Variants in RBPJ observed in about 807,000 individuals in gnomAD.
RBPJ encodes the protein recombination signal binding protein for immunoglobulin kappa J region, also known as recombining binding protein suppressor of hairless.
Under a neutral mutation model 67.8 loss-of-function variants are expected in RBPJ, and 9 were observed. That is an observed-to-expected ratio of 0.13 (90% CI 0.08 to 0.23). The LOEUF is 0.23. Among genes scored for constraint, RBPJ ranks in the 10% least tolerant of loss-of-function variants. The pLI is 1.00. For synonymous variants in RBPJ, 198 were observed against 203.3 expected (o/e 0.97, Z 0.22); for missense variants, 305 against 595.6 (o/e 0.51, Z 5.08).
chr4:26,392,618 G>A (rs1731627762), intron 2 of RBPJ, among the ~76,000 whole-genome samples: 1 of 152,198 alleles, frequency 6.6e-6, no homozygotes, highest in African/African-American at 2.4e-5. Context: ...AATGCAAACT[G>A]ATCTGTACTG....
rs1560237850 is a variant in RBPJ, at chr4:26,270,407, A to AAGAAAGAAAG, written c.-166-92037_-166-92028dup. On this transcript the variant is annotated intron_variant, in intron 1 of 4. Coordinates refer to the RBPJ transcript ENST00000512351. ...AAAGAAAGAAAGAAAGAAAGAAAGA[A>AAGAAAGAAAG]AGAAAGAAAGAAAGAAAGAAAGAAA... Among the ~76,000 whole-genome samples the AAGAAAGAAAG allele has an allele frequency of 6.4e-5, 4 of 62,246 alleles. 1 individual carries two copies. In the East Asian group the frequency reaches 1.6e-3, roughly 25 times the overall value. The allele number at this position is 62,246 out of a possible 152,430, so 40.8% of individuals were successfully genotyped here.
intron 1 of RBPJ, among the ~76,000 whole-genome samples, chr4:26,331,612 T>G (rs904769385): frequency 6.6e-6 from 1 of 152,172 alleles, no homozygotes; most frequent in Non-Finnish European, 1.5e-5. Context: ...GCTGTGTTCC[T>G]GTTTTTGGTG....
chr4:26,214,986 GGGAGGGAGGGAGGGAAGGAA>G lies in RBPJ; in HGVS notation c.-167+51376_-167+51395del, dbSNP rs1560214251. 2.3e-3 allele frequency among the ~76,000 whole-genome samples: 80 copies of G among 34,370 alleles called. 4 individuals carry two copies. The highest frequency in any genetic ancestry group is 0.015 in the African/African-American group (79 of 5,392). 22.5% of individuals were successfully genotyped at this position (34,370 alleles called of 152,430 possible). A position where few individuals can be genotyped will look rare whatever the true frequency, so the allele number is the denominator to read the frequency against. Reference sequence around the variant, plus strand: ...AGGGAGGGAGGGAGGGAAGGAAGGAGGGAGGGAGGGAGGGAAGGAAGGAAGGAGAGAAAGAAAGAAAGAAA... The same window carrying G: ...AGGGAGGGAGGGAGGGAAGGAAGGAGGGAAGGAGAGAAAGAAAGAAAGAAA... On this transcript the variant is annotated intron_variant, in intron 1 of 4. Transcript: ENST00000512351.
At chr4:26,296,437 G>A (rs1370419814) in intron 1 of RBPJ, among the ~76,000 whole-genome samples, 1 of 152,166 alleles carries the variant, frequency 6.6e-6, no homozygotes, top group African/African-American at 2.4e-5. Flanking sequence ...TTAAGTTAGG[G>A]TGATATTAAT....
intron 1 of RBPJ, among the ~76,000 whole-genome samples, chr4:26,225,130 G>A (rs6828530): frequency 0.015 from 2,357 of 152,176 alleles, 75 homozygotes; most frequent in African/African-American, 0.054. Context: ...AATACCTATC[G>A]GGAACCAAAA....
intron 1 of RBPJ, among the ~76,000 whole-genome samples, chr4:26,214,846 G>A (rs1376079540): frequency 1.5e-5 from 2 of 136,936 alleles, no homozygotes; most frequent in Non-Finnish European, 3.1e-5. Flanking sequence ...AAGGAAGGGA[G>A]GGAGGGAGAG....
intron 1 of RBPJ, among the ~76,000 whole-genome samples, chr4:26,282,924 CTTTTTTTT>C: frequency 1.6e-5 from 1 of 61,658 alleles, no homozygotes; most frequent in African/African-American, 7.2e-5. Context: ...AGTGTAGATT[CTTTTTTTT>C]TTTTTTTTTT....
At chr4:26,316,657 TATATATATATATACAC>T (rs1223319648), upstream of RBPJ, among the ~76,000 whole-genome samples, 2 of 121,306 alleles carry the variant, frequency 1.6e-5, no homozygotes, top group Non-Finnish European at 3.2e-5. Context: ...CACATATTGA[TATATATATATATACAC>T]ATATATATAT....
At position 26,417,534 on chromosome 4, in the gene RBPJ, A is replaced by G. The variant is rs1734716499; in HGVS notation, c.321+1894A>G. ...AGGTTAGTACAATGTCTGTAAGCCAAAATTATATGTTAATATTTAATTTTA... is the reference window on the plus strand; with the variant it reads ...AGGTTAGTACAATGTCTGTAAGCCAGAATTATATGTTAATATTTAATTTTA... On this transcript the variant is annotated intron_variant, in intron 4 of 10. Transcript: ENST00000355476. Among the ~76,000 whole-genome samples, 4 of 152,220 alleles carry G rather than the reference A, an allele frequency of 2.6e-5. No homozygotes were observed. The South Asian group carries it at 8.3e-4, about 32-fold the overall frequency.
intron 1 of RBPJ, among the ~76,000 whole-genome samples, chr4:26,177,213 C>T (rs990062843): frequency 6.6e-6 from 1 of 152,190 alleles, no homozygotes; most frequent in African/African-American, 2.4e-5. Context: ...TCAAGCCTTT[C>T]GCTCTAGCTC....
At chr4:26,328,406 A>C (rs1723875399) in intron 1 of RBPJ, among the ~76,000 whole-genome samples, 1 of 152,158 alleles carries the variant, frequency 6.6e-6, no homozygotes, top group Non-Finnish European at 1.5e-5. Flanking sequence ...GAAGCTCATG[A>C]CTTGGTAGAG....
rs561305108 is a variant in RBPJ at position 26,375,288 on chromosome 4, CAAAAA to C, written c.21-11048_21-11044del. ...TGGGCGACAGAGGGAGACCCTGTCT[CAAAAA>C]AAAAAAAAAAAAAAAAGAATAATGT... On this transcript the variant is annotated intron_variant, in intron 1 of 10. Transcript: ENST00000355476. Among the ~76,000 whole-genome samples, 4 of 102,898 alleles carry C rather than the reference CAAAAA, an allele frequency of 3.9e-5. No homozygotes were observed. The South Asian group carries it at 9.5e-4, about 25-fold the overall frequency. 67.5% of individuals were successfully genotyped at this position (102,898 alleles called of 152,430 possible). A position where few individuals can be genotyped will look rare whatever the true frequency, so the allele number is the denominator to read the frequency against.
the RBPJ span, among the ~76,000 whole-genome samples, chr4:26,128,730 G>C: frequency 6.6e-6 from 1 of 152,152 alleles, no homozygotes; most frequent in Non-Finnish European, 1.5e-5. Context: ...ATCTCATCTT[G>C]AATTGTAGCT....
intron 1 of RBPJ, among the ~76,000 whole-genome samples, chr4:26,231,631 C>T (rs1433674575): frequency 6.6e-6 from 1 of 151,906 alleles, no homozygotes; most frequent in Non-Finnish European, 1.5e-5. Context: ...AGGCTAGTCT[C>T]GAATGCCTGA....
At chr4:26,217,648 T>G (rs1007529319) in intron 1 of RBPJ, among the ~76,000 whole-genome samples, 1 of 152,166 alleles carries the variant, frequency 6.6e-6, no homozygotes, top group African/African-American at 2.4e-5. Flanking sequence ...TTGGCAGCGC[T>G]GTTTGCACTC....
At chr4:26,355,044 T>C (rs2109463441) in intron 1 of RBPJ, among the ~76,000 whole-genome samples, 1 of 152,288 alleles carries the variant, frequency 6.6e-6, no homozygotes, top group Admixed American at 6.5e-5. Context: ...TGATTTAATA[T>C]TGTCTCCTGC....
At chr4:26,364,211 A>G (rs1354004572) in intron 1 of RBPJ, among the ~76,000 whole-genome samples, 6 of 152,216 alleles carry the variant, frequency 3.9e-5, no homozygotes, top group Non-Finnish European at 5.9e-5. Context: ...TCCTTTTGGT[A>G]TGTTAGCAGT....
the RBPJ span, among the ~76,000 whole-genome samples, chr4:26,118,314 A>T: frequency 1.2e-4 from 18 of 152,316 alleles, no homozygotes; most frequent in South Asian, 3.5e-3. Flanking sequence ...TGTGTGAAGA[A>T]CTAAAGAATC....
rs1351827553 is a variant in RBPJ at position 26,431,034 on chromosome 4, C to T, written c.*27C>T. ...TACCGTCTTTTTGCTAGGACTTAAACTGACTTGAGTGTGGCAAAAAGTTAA... is the reference window on the plus strand; with the variant it reads ...TACCGTCTTTTTGCTAGGACTTAAATTGACTTGAGTGTGGCAAAAAGTTAA... On this transcript the variant is annotated 3_prime_UTR_variant, in exon 11 of 11. Coordinates refer to ENST00000355476, the MANE Select transcript of RBPJ (RefSeq NM_015874.6). 1 of 1,591,282 alleles carries T rather than the reference C, an allele frequency of 6.3e-7. No homozygotes were observed.
Sources: allele counts gnomAD v4.1 joint callset (sites outside exome capture counted in the v4.1 genomes callset), GRCh38; gene constraint gnomAD v4.1.1; transcripts MANE v1.5; gene names NCBI Gene and HGNC (gene_info 2026-07-23, HGNC 2026-07-21).